RAB27A: variants seen among roughly 807,000 people sequenced by gnomAD.
The protein encoded by RAB27A is ras-related protein Rab-27A.
RAB27A carries 17 observed loss-of-function variants against 20.8 expected under a neutral mutation model. That is an observed-to-expected ratio of 0.82 (90% confidence interval 0.56 to 1.23). RAB27A has a LOEUF of 1.23. Ranked by LOEUF, RAB27A falls within the 50% of genes most tolerant of loss-of-function variation. RAB27A has a pLI of 0.00. For missense variants in RAB27A, 277 were observed against 266.7 expected, an observed-to-expected ratio of 1.04 and a Z score of -0.27; for synonymous variants, 85 against 92.8, an observed-to-expected ratio of 0.92 and a Z score of 0.48.
At chr15:55,313,358 G>A (rs2055029387) in intron 2 of RAB27A, among the ~76,000 whole-genome samples, 1 of 152,106 alleles carries the variant, frequency 6.6e-6, no homozygotes, top group Non-Finnish European at 1.5e-5. Flanking sequence ...GAGCAATGAT[G>A]ATACTACACT....
intron 1 of RAB27A, among the ~76,000 whole-genome samples, chr15:55,279,165 A>C (rs1221855767): frequency 6.6e-6 from 1 of 152,186 alleles, no homozygotes; most frequent in Non-Finnish European, 1.5e-5. Context: ...CAGGCAGATA[A>C]GACTCTTAAT....
intron 2 of RAB27A, among the ~76,000 whole-genome samples, chr15:55,236,336 T>A (rs1277210004): frequency 6.6e-6 from 1 of 152,138 alleles, no homozygotes; most frequent in Admixed American, 6.5e-5. Context: ...TCCTTACATA[T>A]TACTATTAAT....
chr15:55,240,670 CCA>C (rs1052281947), intron 2 of RAB27A, among the ~76,000 whole-genome samples: 5 of 152,126 alleles, frequency 3.3e-5, no homozygotes, highest in Non-Finnish European at 7.4e-5. Flanking sequence ...GTATTTGAGT[CCA>C]GTCATGTAAC....
At chr15:55,235,303 C>T (rs1173775711) in intron 2 of RAB27A, among the ~76,000 whole-genome samples, 1 of 151,946 alleles carries the variant, frequency 6.6e-6, no homozygotes, top group Non-Finnish European at 1.5e-5. Flanking sequence ...CAAAAATTAG[C>T]CAGGCATGGT....
At chr15:55,231,287 C>A (rs1305927017) in intron 3 of RAB27A, among the ~76,000 whole-genome samples, 1 of 152,108 alleles carries the variant, frequency 6.6e-6, no homozygotes, top group East Asian at 1.9e-4. Context: ...CATTTGAGTG[C>A]AGATGTATTT....
intron 2 of RAB27A, among the ~76,000 whole-genome samples, chr15:55,250,105 G>A (rs562776118): frequency 3.5e-4 from 54 of 152,164 alleles, no homozygotes; most frequent in African/African-American, 1.3e-3. Context: ...TGCGACTAAA[G>A]GCCTGCGCAA....
chr15:55,223,802 G>A, intron 6 of RAB27A, 87 bp downstream of exon 6: 2 of 1,527,548 alleles, frequency 1.3e-6, no homozygotes, highest in Non-Finnish European at 1.8e-6. Flanking sequence ...TGCTTTAATT[G>A]TCCACTTTTA....
intron 6 of RAB27A, among the ~76,000 whole-genome samples, chr15:55,207,670 T>C (rs1186428985): frequency 2.6e-5 from 4 of 152,152 alleles, no homozygotes; most frequent in African/African-American, 9.7e-5. Flanking sequence ...GCGACTTTTT[T>C]GTTTTTGTTT....
chr15:55,209,591 A>G (rs868163127), intron 6 of RAB27A, among the ~76,000 whole-genome samples: 5 of 151,996 alleles, frequency 3.3e-5, no homozygotes, highest in African/African-American at 1.2e-4. Context: ...GTGCTGCAAT[A>G]AACATGGGAG....
chr15:55,206,406 G>A (rs1390611590), intron 6 of RAB27A: 4 of 235,908 alleles, frequency 1.7e-5, no homozygotes, highest in Non-Finnish European at 2.1e-5. Context: ...CTGGAGTGCA[G>A]TGGCACGATC....
chr15:55,261,709 CAAAAAA>C (rs768256540), intron 2 of RAB27A, among the ~76,000 whole-genome samples: 2 of 18,652 alleles, frequency 1.1e-4, no homozygotes, highest in African/African-American at 2.9e-4. Flanking sequence ...CACTGCATCT[CAAAAAA>C]AAAAAAAAAA....
intron 1 of RAB27A, among the ~76,000 whole-genome samples, chr15:55,272,704 G>C: frequency 6.6e-6 from 1 of 152,116 alleles, no homozygotes; most frequent in East Asian, 1.9e-4. Flanking sequence ...TAGCAATAAA[G>C]AATGTTTTAT....
intron 2 of RAB27A, among the ~76,000 whole-genome samples, chr15:55,257,145 G>A (rs530338235): frequency 6.6e-6 from 1 of 152,250 alleles, no homozygotes; most frequent in African/African-American, 2.4e-5. Flanking sequence ...TTGAAGTGGG[G>A]AAGGGAAAGA....
chr15:55,232,864 G>A (rs1896086084), intron 3 of RAB27A, among the ~76,000 whole-genome samples: 1 of 152,198 alleles, frequency 6.6e-6, no homozygotes. Flanking sequence ...GCTCATGCCT[G>A]TAATCCCTCA....
chr15:55,234,787 T>A lies in RAB27A; in HGVS notation c.148A>T (p.Arg50Ter). 3.7e-6 allele frequency: 6 copies of A among 1,609,572 alleles called. No homozygotes were observed. The highest frequency in any genetic ancestry group is 5.1e-6 in the Non-Finnish European group (6 of 1,176,252). Residue 50 changes from arginine to a stop codon, truncating the protein, a stop_gained, in exon 3 of 7, where the codon AGA becomes TGA. Transcript: ENST00000336787. LOFTEE classifies it high-confidence loss of function. ...TAGAAGGATATAGAACTTACCACTC[T>A]TTTTTCCCTGAAATCAATGCCCACT... is the stretch of plus-strand genomic sequence containing the variant. Reference protein sequence around the residue: ...TTVGIDFREKRVVYRASGPDG... With the variant: ...TTVGIDFREK
At chr15:55,292,316 C>A (rs1486573124), upstream of RAB27A, among the ~76,000 whole-genome samples, 1 of 152,132 alleles carries the variant, frequency 6.6e-6, no homozygotes, top group Non-Finnish European at 1.5e-5. Flanking sequence ...GAAACTGAGT[C>A]CTAAAGCGAT....
intron 2 of RAB27A, among the ~76,000 whole-genome samples, chr15:55,251,751 A>G (rs898569245): frequency 6.6e-6 from 1 of 152,230 alleles, no homozygotes; most frequent in Non-Finnish European, 1.5e-5. Context: ...TTTTTAAAAT[A>G]CTGATCAAAG....
At chr15:55,213,413 T>C (rs956903697) in intron 6 of RAB27A, among the ~76,000 whole-genome samples, 1 of 152,174 alleles carries the variant, frequency 6.6e-6, no homozygotes, top group South Asian at 2.1e-4. Context: ...CTTTTACAGA[T>C]CTTTTCAGAA....
At chr15:55,252,469 A>C (rs973381348) in intron 2 of RAB27A, among the ~76,000 whole-genome samples, 2 of 152,026 alleles carry the variant, frequency 1.3e-5, no homozygotes, top group African/African-American at 4.8e-5. Context: ...AGGCGTGGGG[A>C]CACGTGCCTG....
Sources: allele counts gnomAD v4.1 joint callset (sites outside exome capture counted in the v4.1 genomes callset), GRCh38; gene constraint gnomAD v4.1.1; transcripts MANE v1.5; gene names NCBI Gene and HGNC (gene_info 2026-07-23, HGNC 2026-07-21).